The following ZNF451 variants were observed in gnomAD, a reference collection of about 807,000 sequenced individuals.
The protein encoded by ZNF451 is E3 SUMO-protein ligase ZNF451.
In ZNF451, 80 loss-of-function variants were observed where a neutral mutation model predicts 107.1. That is an observed-to-expected ratio of 0.75 (90% CI 0.62 to 0.90). ZNF451 has a LOEUF of 0.90. Ranked by LOEUF, ZNF451 falls within the 40% of genes least tolerant of loss-of-function variation. The pLI is 0.00. For synonymous variants in ZNF451, 362 were observed against 406.5 expected, an observed-to-expected ratio of 0.89 and a Z score of 1.32; for missense variants, 1,107 against 1,236.2, an observed-to-expected ratio of 0.90 and a Z score of 1.57.
intron 2 of ZNF451, among the ~76,000 whole-genome samples, chr6:57,092,534 C>T (rs1829098559): frequency 6.6e-6 from 1 of 152,080 alleles, no homozygotes; most frequent in South Asian, 2.1e-4. Flanking sequence ...AAAATTTTCC[C>T]TTTACATTTA....
chr6:57,137,033 T>C (rs1309610080), intron 7 of ZNF451, among the ~76,000 whole-genome samples: 2 of 152,166 alleles, frequency 1.3e-5, no homozygotes, highest in Non-Finnish European at 2.9e-5. Flanking sequence ...AGTTTCTTCA[T>C]CCCTAAAATG....
At chr6:57,153,695 G>T (rs1010580759) in intron 12 of ZNF451, among the ~76,000 whole-genome samples, 166 bp from the exon 13 acceptor site, 1 of 152,230 alleles carries the variant, frequency 6.6e-6, no homozygotes, top group African/African-American at 2.4e-5. Flanking sequence ...TTACAGGCGT[G>T]AGCCACTGCA....
rs1831188107 is a variant in ZNF451 at position 57,131,746 on chromosome 6, G to A, written c.425-1296G>A. On this transcript the variant is annotated intron_variant, in intron 5 of 14. Transcript: ENST00000370706. The stretch of plus-strand genomic sequence containing the variant: ...TATTTAAATGCTTAGGGGCTTTGTA[G>A]AAAATTCAATAAAGATAAATATTTA... Among the ~76,000 whole-genome samples, 5 of 152,210 alleles carry A rather than the reference G, an allele frequency of 3.3e-5. 1 individual carries two copies. In the South Asian group the frequency reaches 1.0e-3, roughly 32 times the overall value.
In ZNF451 at chr6:57,131,723, T is replaced by C. The variant is rs1831186229; in HGVS notation, c.425-1319T>C. 2.6e-5 allele frequency among the ~76,000 whole-genome samples: 4 copies of C among 152,206 alleles called. No homozygotes were observed. In the South Asian group the frequency reaches 8.3e-4, roughly 32 times the overall value. ...ATATTGTCTTAAGGGAATAATTCTA[T>C]TTAAATGCTTAGGGGCTTTGTAGAA... is the stretch of plus-strand genomic sequence containing the variant. On this transcript the variant is annotated intron_variant, in intron 5 of 14. Transcript: ENST00000370706.
At chr6:57,160,118 A>T (rs1437327826) in intron 13 of ZNF451, among the ~76,000 whole-genome samples, 1 of 152,212 alleles carries the variant, frequency 6.6e-6, no homozygotes. Context: ...TTTACAAAAA[A>T]GTTGTGAAGA....
At position 57,115,582 on chromosome 6, in the gene ZNF451, A is replaced by G. The variant is rs1484715384; in HGVS notation, c.187-9152A>G. The G allele has an allele frequency of 2.6e-5, 4 of 152,330 alleles. No homozygotes were observed. The East Asian group carries it at 7.7e-4, about 29-fold the overall frequency. 9.4% of individuals were successfully genotyped at this position (152,330 alleles called of 1,614,324 possible). ...GTTTTACCTAAAATTTTAGATAAAA[A>G]TGTAAAGAAGTATATTTGAGAATGT... is the stretch of plus-strand genomic sequence containing the variant. On this transcript the variant is annotated intron_variant, in intron 3 of 14. Coordinates refer to ENST00000370706, the MANE Select transcript of ZNF451 (RefSeq NM_001031623.3).
rs559168865 is a variant in ZNF451, at chr6:57,105,547, T to C, written c.186+6406T>C. ...ACTCCCTTCTGAATGTTAATTTGTTTTCTTTATAGCACTGTTGATTCATTT... is the reference window on the plus strand; with the variant it reads ...ACTCCCTTCTGAATGTTAATTTGTTCTCTTTATAGCACTGTTGATTCATTT... On this transcript the variant is annotated intron_variant, in intron 3 of 14. Transcript: ENST00000370706. The C allele has an allele frequency of 8.1e-6, 8 of 985,334 alleles. No individual in the cohort carries two copies. The African/African-American group carries it at 1.4e-4, about 17-fold the overall frequency. 61.0% of individuals were successfully genotyped at this position (985,334 alleles called of 1,614,324 possible). A position where few individuals can be genotyped will look rare whatever the true frequency, so the allele number is the denominator to read the frequency against.
At position 57,162,690 on chromosome 6, in the gene ZNF451, C is replaced by T. The variant is rs182443429; in HGVS notation, c.3139+1538C>T. ...ATTTTGCAACTTGTATTTGACACCT[C>T]GTGACTCATCCCATGGAAAATGCCA... On this transcript the variant is annotated intron_variant, in intron 14 of 14. Transcript: ENST00000370706. Among the ~76,000 whole-genome samples, 549 of 152,272 alleles carry T rather than the reference C, an allele frequency of 3.6e-3. 4 individuals are homozygous for T. The highest frequency in any genetic ancestry group is 0.013 in the African/African-American group (530 of 41,556).
At chr6:57,127,949 C>T (rs1710656800) in intron 4 of ZNF451, among the ~76,000 whole-genome samples, 1 of 152,184 alleles carries the variant, frequency 6.6e-6, no homozygotes, top group Non-Finnish European at 1.5e-5. Context: ...CACTGCTACA[C>T]TCACTTGTTT....
Position 57,148,259 on chromosome 6 carries a change from G to A in ZNF451, c.2174G>A (p.Arg725His), listed in dbSNP as rs142125848. 1.9e-5 allele frequency: 31 copies of A among 1,613,862 alleles called. No homozygotes were observed. Among genetic ancestry groups the A allele is most frequent in the African/African-American group, 9.3e-5 (7 of 75,026 alleles). The change falls in exon 10 of 15, where the codon CGT becomes CAT. Residue 725 changes from arginine (R) to histidine (H), a missense_variant. By Grantham distance (29) the Arg-to-His change is conservative. Transcript: ENST00000370706. Reference sequence around the variant, plus strand: ...AGTAACCAGTTAACTTGTGGTTGCCGTGAGAGTTACATCTGTAAAGTCAAC... The same window carrying A: ...AGTAACCAGTTAACTTGTGGTTGCCATGAGAGTTACATCTGTAAAGTCAAC... ...ETSNQLTCGC[R>H]ESYICKVNRK...
At chr6:57,101,329 A>C in intron 3 of ZNF451, 1 of 1,550,660 alleles carries the variant, frequency 6.4e-7, no homozygotes, top group Non-Finnish European at 8.7e-7. Context: ...TCCTCTTCTG[A>C]GAATTGCCAC....
chr6:57,133,122 A>G lies in ZNF451; in HGVS notation c.505A>G (p.Ile169Val), dbSNP rs539641641. ...GGHTWVSGKP[I>V]LCPIMHCNKE... ...CCACACGTGGGTGTCTGGGAAACCA[A>G]TTTTATGTCCTATAATGCACTGTAA... Residue 169 changes from isoleucine (I) to valine (V), a missense_variant, in exon 6 of 15, where the codon ATT (isoleucine) becomes GTT (valine). Transcript: ENST00000370706. 8.1e-6 allele frequency: 13 copies of G among 1,614,138 alleles called. No individual in the cohort carries two copies. The African/African-American group carries it at 9.3e-5, about 12-fold the overall frequency.
intron 3 of ZNF451, chr6:57,100,510 C>T: frequency 7.5e-7 from 1 of 1,340,812 alleles, no homozygotes; most frequent in Non-Finnish European, 9.9e-7. Flanking sequence ...TTGAGTTCTA[C>T]TTACTGGACA....
intron 10 of ZNF451, 124 bp from the exon 11 acceptor site, chr6:57,150,595 A>G (rs1832296093): frequency 2.2e-6 from 2 of 914,432 alleles, no homozygotes; most frequent in Non-Finnish European, 3.2e-6. Context: ...AGGTTTAGAT[A>G]GAAATGAGTA....
At chr6:57,105,549 C>G (rs1829813247) in intron 3 of ZNF451, 6 of 985,300 alleles carry the variant, frequency 6.1e-6, no homozygotes, top group Non-Finnish European at 6.0e-6. Context: ...AATTTGTTTT[C>G]TTTATAGCAC....
chr6:57,138,741 A>ATATATATATATATATATGTGTGTGTG (rs1365084616), intron 7 of ZNF451, among the ~76,000 whole-genome samples: 1 of 46,598 alleles, frequency 2.1e-5, no homozygotes, highest in African/African-American at 9.2e-5. Flanking sequence ...ATATATATAT[A>ATATATATATATATATATGTGTGTGTG]TGTGTGTGTG....
intron 7 of ZNF451, among the ~76,000 whole-genome samples, chr6:57,139,779 A>C (rs1002369764): frequency 6.6e-6 from 1 of 152,246 alleles, no homozygotes; most frequent in Non-Finnish European, 1.5e-5. Flanking sequence ...ACAGTGGCTT[A>C]TGCCTGTAAT....
intron 13 of ZNF451, chr6:57,158,573 G>T (rs1763534001): frequency 1.0e-6 from 1 of 985,252 alleles, no homozygotes. Context: ...GCTTATTGGA[G>T]TACTGCAACA....
chr6:57,119,904 G>A (rs921154344), intron 3 of ZNF451, among the ~76,000 whole-genome samples: 2 of 148,800 alleles, frequency 1.3e-5, no homozygotes, highest in Non-Finnish European at 3.0e-5. Context: ...TGTCCACTTT[G>A]CCTGTATGTT....
Sources: gnomAD v4.1 joint callset for allele counts (sites outside exome capture counted in the v4.1 genomes callset) on GRCh38, gnomAD v4.1.1 for gene constraint, MANE v1.5 for transcripts, NCBI Gene and HGNC (gene_info 2026-07-23, HGNC 2026-07-21) for gene names.